RYR2: variants seen among roughly 807,000 people sequenced by gnomAD.
RYR2 encodes cardiac muscle ryanodine receptor-calcium release channel.
Under a neutral mutation model 601.1 loss-of-function variants are expected in RYR2, and 227 were observed. The ratio of observed to expected loss-of-function variants is 0.38; its 90% CI spans 0.34 to 0.42. The LOEUF (loss-of-function observed/expected upper bound fraction) is 0.42, where lower values mean the gene tolerates loss of function less well. RYR2 is among the 10% of genes least tolerant of loss of function. RYR2 has a pLI of 1.00. For missense variants in RYR2, 4,646 were observed against 6,156.5 expected (o/e 0.75, Z 8.21); for synonymous variants, 2,223 against 2,175.1 (o/e 1.02, Z -0.61).
At chr1:237,687,633 G>A (rs1196333790) in intron 63 of RYR2, 129 bp downstream of exon 63, 2 of 733,272 alleles carry the variant, frequency 2.7e-6, no homozygotes, top group African/African-American at 1.8e-5. Flanking sequence ...GTCGTTGCAG[G>A]CCAAGATAAG....
chr1:237,220,620 G>A (rs1410339691), intron 1 of RYR2, among the ~76,000 whole-genome samples: 2 of 152,160 alleles, frequency 1.3e-5, no homozygotes, highest in Non-Finnish European at 1.5e-5. Flanking sequence ...ATACACCTAC[G>A]TTTCACTCTG....
chr1:237,266,443 A>G (rs1391513767), intron 1 of RYR2, among the ~76,000 whole-genome samples: 1 of 152,206 alleles, frequency 6.6e-6, no homozygotes, highest in Non-Finnish European at 1.5e-5. Context: ...ACATATGGAT[A>G]ATCATAAATA....
rs1458758654 is a variant in RYR2 at position 237,772,079 on chromosome 1, A to G, written c.11625A>G (p.Val3875=). ...NTTVNIIIST[V]DYLLRVQESI... Reference sequence around the variant, plus strand: ...CTGTCAACATAATTATCTCCACTGTAGACTACCTACTGAGAGTTCAGGTAT... The same window carrying G: ...CTGTCAACATAATTATCTCCACTGTGGACTACCTACTGAGAGTTCAGGTAT... The change falls in exon 86 of 105, where the codon GTA becomes GTG. Residue 3875 remains valine (V), a synonymous_variant. Coordinates refer to ENST00000366574, the MANE Select transcript of RYR2 (RefSeq NM_001035.3). 1 of 1,537,584 alleles carries G rather than the reference A, an allele frequency of 6.5e-7. No homozygotes were observed. The highest frequency in any genetic ancestry group is 8.9e-7 in the Non-Finnish European group (1 of 1,129,002).
intron 100 of RYR2, among the ~76,000 whole-genome samples, chr1:237,810,210 C>T (rs1451356612): frequency 2.0e-5 from 3 of 151,896 alleles, no homozygotes; most frequent in African/African-American, 7.3e-5. Flanking sequence ...AAATGGTAAA[C>T]TGGGAAAGAT....
chr1:237,795,278 G>C lies in RYR2; in HGVS notation c.13914-11G>C, dbSNP rs1416246145. On this transcript the variant is annotated splice_polypyrimidine_tract_variant and intron_variant, in intron 95 of 104. Transcript: ENST00000366574. ...TAATACTATTTACTTCTATGCTTTT[G>C]TATATTTTAGGTCATTTCCCAACAA... 7.8e-7 allele frequency: 1 copy of C among 1,288,762 alleles called. No individual in the cohort carries two copies. Among genetic ancestry groups the C allele is most frequent in the Admixed American group, 2.3e-5 (1 of 42,570 alleles). The allele number at this position is 1,288,762 out of a possible 1,614,324, so 79.8% of individuals were successfully genotyped here.
At chr1:237,311,132 C>CA (rs1412871256) in intron 2 of RYR2, among the ~76,000 whole-genome samples, 3 of 152,028 alleles carry the variant, frequency 2.0e-5, no homozygotes, top group African/African-American at 7.2e-5. Flanking sequence ...TGAATTCACT[C>CA]AAAAAATAGT....
At chr1:237,318,856 A>G (rs1432613753) in intron 2 of RYR2, among the ~76,000 whole-genome samples, 1 of 152,108 alleles carries the variant, frequency 6.6e-6, no homozygotes, top group Non-Finnish European at 1.5e-5. Context: ...TTTTTCATCA[A>G]ATTGGAAGTT....
At chr1:237,680,344 T>C in intron 61 of RYR2, 112 bp from the exon 62 acceptor site, 1 of 779,656 alleles carries the variant, frequency 1.3e-6, no homozygotes, top group Non-Finnish European at 2.1e-6. Flanking sequence ...GGCATGGACA[T>C]AAGGAGACCT....
At chr1:237,605,476 G>A (rs1677015815) in intron 35 of RYR2, among the ~76,000 whole-genome samples, 2 of 152,106 alleles carry the variant, frequency 1.3e-5, no homozygotes, top group African/African-American at 4.8e-5. Context: ...ATACTGAATG[G>A]GCAAAAACTG....
intron 27 of RYR2, among the ~76,000 whole-genome samples, chr1:237,552,315 C>A (rs1253161716): frequency 6.6e-6 from 1 of 151,998 alleles, no homozygotes; most frequent in African/African-American, 2.4e-5. Flanking sequence ...AATAAACCCT[C>A]AAAGCTAATT....
chr1:237,081,202 G>A (rs1276452209), intron 1 of RYR2, among the ~76,000 whole-genome samples: 1 of 129,306 alleles, frequency 7.7e-6, no homozygotes, highest in Non-Finnish European at 1.6e-5. Context: ...AGTGGGTGCA[G>A]CGCACCAGCA....
Position 237,532,768 on chromosome 1 carries a change from G to T in RYR2, c.2906+2258G>T, listed in dbSNP as rs528109599. 3.3e-5 allele frequency among the ~76,000 whole-genome samples: 5 copies of T among 151,920 alleles called. No homozygotes were observed. The East Asian group carries it at 9.7e-4, about 29-fold the overall frequency. Reference sequence around the variant, plus strand: ...GTGTGCATGTGTGTGTATGTATTTGGGATACAATTCAACTTATTTCATGTA... The same window carrying T: ...GTGTGCATGTGTGTGTATGTATTTGTGATACAATTCAACTTATTTCATGTA... On this transcript the variant is annotated intron_variant, in intron 25 of 104. Transcript: ENST00000366574.
In RYR2 at chr1:237,577,787, G is replaced by A. The variant is rs139730221; in HGVS notation, c.3598+8468G>A. Reference sequence around the variant, plus strand: ...AAACAAAAGTTTATCAGTAATCCACGGTCCACTTCTGTGTATTTTGAAATT... The same window carrying A: ...AAACAAAAGTTTATCAGTAATCCACAGTCCACTTCTGTGTATTTTGAAATT... On this transcript the variant is annotated intron_variant, in intron 29 of 104. Transcript: ENST00000366574. Among the ~76,000 whole-genome samples the A allele has an allele frequency of 1.3e-3, 197 of 152,120 alleles. 2 individuals carry two copies. In the South Asian group the frequency reaches 0.024, roughly 18 times the overall value.
intron 58 of RYR2, among the ~76,000 whole-genome samples, chr1:237,669,961 G>C (rs1055174700): frequency 2.0e-5 from 3 of 151,970 alleles, no homozygotes; most frequent in African/African-American, 2.4e-5. Flanking sequence ...AGGTTGTAGC[G>C]AGCCGAGATC....
At chr1:237,172,689 T>G (rs140674275) in intron 1 of RYR2, among the ~76,000 whole-genome samples, 1 of 152,234 alleles carries the variant, frequency 6.6e-6, no homozygotes, top group Non-Finnish European at 1.5e-5. Context: ...GTTTTATTGA[T>G]GGACTTCCTT....
intron 1 of RYR2, among the ~76,000 whole-genome samples, chr1:237,123,712 C>T (rs532958652): frequency 2.1e-4 from 28 of 130,680 alleles, no homozygotes; most frequent in Admixed American, 1.0e-3. Flanking sequence ...CCAGGCCGGA[C>T]TGCGGACTGC....
chr1:237,798,387 T>C lies in RYR2; in HGVS notation c.14090+217T>C, dbSNP rs72753220. On this transcript the variant is annotated intron_variant, in intron 97 of 104. Coordinates refer to ENST00000366574, the MANE Select transcript of RYR2 (RefSeq NM_001035.3). ...TCTATTAATTTTTGGAGGTACCTTT[T>C]AATATTTATAAGAGAACAGAAAGAC... Among the ~76,000 whole-genome samples the C allele has an allele frequency of 0.049, 7,206 of 145,888 alleles. 190 individuals are homozygous for C. The highest frequency in any genetic ancestry group is 0.062 in the Non-Finnish European group (4,113 of 66,726).
At chr1:237,221,775 T>C (rs1227721984) in intron 1 of RYR2, among the ~76,000 whole-genome samples, 1 of 152,186 alleles carries the variant, frequency 6.6e-6, no homozygotes, top group African/African-American at 2.4e-5. Context: ...TGAGGTAGTA[T>C]ATTCTGGGTG....
chr1:237,237,667 AC>A (rs1443412864), intron 1 of RYR2, among the ~76,000 whole-genome samples: 1 of 152,176 alleles, frequency 6.6e-6, no homozygotes, highest in African/African-American at 2.4e-5. Flanking sequence ...TATTTCTTTG[AC>A]ATATTTTGAA....
Sources: gnomAD v4.1 joint callset for allele counts (sites outside exome capture counted in the v4.1 genomes callset) on GRCh38, gnomAD v4.1.1 for gene constraint, MANE v1.5 for transcripts, NCBI Gene and HGNC (gene_info 2026-07-23, HGNC 2026-07-21) for gene names.